The following CACNA2D3 variants were observed in gnomAD, a reference collection of about 807,000 sequenced individuals.
The protein encoded by CACNA2D3 is voltage-dependent calcium channel subunit alpha-2/delta-3.
Under a neutral mutation model 160.6 loss-of-function variants are expected in CACNA2D3, and 60 were observed. That is an observed-to-expected ratio of 0.37 (90% confidence interval 0.30 to 0.46). CACNA2D3 has a LOEUF of 0.46. Among genes scored for constraint, CACNA2D3 ranks in the 20% least tolerant of loss-of-function variants. CACNA2D3 has a pLI of 1.00. For missense variants in CACNA2D3, 1,205 were observed against 1,365.0 expected (o/e 0.88, Z 1.85); for synonymous variants, 558 against 492.9 (o/e 1.13, Z -1.75).
intron 9 of CACNA2D3, among the ~76,000 whole-genome samples, chr3:54,585,305 T>G (rs1046949060): frequency 1.3e-5 from 2 of 152,114 alleles, no homozygotes; most frequent in African/African-American, 2.4e-5. Context: ...AATACTGATA[T>G]GAGTAGACAG....
intron 35 of CACNA2D3, among the ~76,000 whole-genome samples, chr3:55,053,695 AT>A (rs1192123815): frequency 2.6e-5 from 4 of 151,924 alleles, no homozygotes; most frequent in Non-Finnish European, 4.4e-5. Context: ...GTTTGATTAC[AT>A]TTCCTACAAA....
chr3:54,403,093 G>A (rs1185610001), intron 4 of CACNA2D3, among the ~76,000 whole-genome samples: 1 of 152,080 alleles, frequency 6.6e-6, no homozygotes, highest in African/African-American at 2.4e-5. Context: ...AGGCACAGTG[G>A]CTCACACCTA....
At chr3:54,147,668 A>T (rs1356690333) in intron 2 of CACNA2D3, among the ~76,000 whole-genome samples, 1 of 152,206 alleles carries the variant, frequency 6.6e-6, no homozygotes, top group Non-Finnish European at 1.5e-5. Context: ...TTTGGTGAGG[A>T]TTACAGTGTT....
intron 11 of CACNA2D3, among the ~76,000 whole-genome samples, chr3:54,691,296 T>C (rs1395366696): frequency 1.3e-5 from 2 of 152,080 alleles, no homozygotes; most frequent in Non-Finnish European, 2.9e-5. Flanking sequence ...ACTCTTCTGC[T>C]CCCCTCCCCA....
intron 34 of CACNA2D3, among the ~76,000 whole-genome samples, chr3:55,013,346 A>G (rs1187299279): frequency 1.3e-5 from 2 of 152,172 alleles, no homozygotes; most frequent in African/African-American, 2.4e-5. Flanking sequence ...CTGCACTGGA[A>G]TTGTCTCATT....
intron 2 of CACNA2D3, among the ~76,000 whole-genome samples, chr3:54,285,582 G>C (rs1446818996): frequency 1.3e-5 from 2 of 152,334 alleles, no homozygotes; most frequent in East Asian, 3.9e-4. Flanking sequence ...TAAGAGAGTA[G>C]TGGTTCTCCC....
At chr3:54,971,139 T>G (rs1335882445) in intron 29 of CACNA2D3, among the ~76,000 whole-genome samples, 2 of 150,538 alleles carry the variant, frequency 1.3e-5, no homozygotes, top group Non-Finnish European at 3.0e-5. Flanking sequence ...GTCAGCAAAG[T>G]TTTCTGCAGA....
At chr3:54,776,417 A>G (rs1381957101) in intron 13 of CACNA2D3, among the ~76,000 whole-genome samples, 1 of 152,134 alleles carries the variant, frequency 6.6e-6, no homozygotes, top group Non-Finnish European at 1.5e-5. Flanking sequence ...CGGAAGGCTG[A>G]GGTGGGAGGA....
At chr3:54,855,709 A>G (rs185197800) in intron 17 of CACNA2D3, among the ~76,000 whole-genome samples, 44 of 152,324 alleles carry the variant, frequency 2.9e-4, no homozygotes, top group Non-Finnish European at 4.7e-4. Context: ...TCTATCTCCC[A>G]TTGTAGTGGG....
intron 13 of CACNA2D3, among the ~76,000 whole-genome samples, chr3:54,807,826 C>T (rs1703173009): frequency 6.6e-6 from 1 of 151,026 alleles, no homozygotes; most frequent in South Asian, 2.1e-4. Flanking sequence ...CAATGATAGA[C>T]TGGATTAAGA....
chr3:54,130,854 A>G (rs1035939134), intron 2 of CACNA2D3, among the ~76,000 whole-genome samples: 21 of 152,236 alleles, frequency 1.4e-4, no homozygotes, highest in African/African-American at 4.8e-4. Context: ...TTAACAGCTG[A>G]GAGGGCATAG....
At chr3:54,527,407 G>T (rs533131843) in intron 5 of CACNA2D3, among the ~76,000 whole-genome samples, 1 of 152,304 alleles carries the variant, frequency 6.6e-6, no homozygotes, top group Admixed American at 6.5e-5. Context: ...GGAGCTGGGG[G>T]TGGGGACTAT....
chr3:54,831,439 C>T (rs950369719), intron 14 of CACNA2D3, among the ~76,000 whole-genome samples: 6 of 152,230 alleles, frequency 3.9e-5, no homozygotes, highest in African/African-American at 1.4e-4. Context: ...GAAGGCAACC[C>T]AAACAGATGT....
intron 13 of CACNA2D3, among the ~76,000 whole-genome samples, chr3:54,802,713 C>G (rs1243504719): frequency 1.3e-5 from 2 of 152,066 alleles, no homozygotes; most frequent in African/African-American, 4.8e-5. Flanking sequence ...AATGGTTCTC[C>G]CAGCATGCAG....
chr3:54,682,775 G>T (rs1309777029), intron 11 of CACNA2D3, among the ~76,000 whole-genome samples: 1 of 152,028 alleles, frequency 6.6e-6, no homozygotes, highest in Non-Finnish European at 1.5e-5. Flanking sequence ...CTTCCCACAA[G>T]GTCATCAGTG....
chr3:55,073,967 CCT>C (rs1704882650), intron 37 of CACNA2D3, 108 bp downstream of exon 37: 4 of 1,121,208 alleles, frequency 3.6e-6, no homozygotes, highest in Non-Finnish European at 4.0e-6. Flanking sequence ...GAAAATAATC[CCT>C]TTCATTCAGT....
rs1465013 is a variant in CACNA2D3, at chr3:54,813,202, C to T, written c.1381-3651C>T. On this transcript the variant is annotated intron_variant, in intron 13 of 37. Transcript: ENST00000474759. Reference sequence around the variant, plus strand: ...GTTATACAGAGAATCCTACAGTCTGCGGTGTGGGCCAGGAAGGAACCCAAT... The same window carrying T: ...GTTATACAGAGAATCCTACAGTCTGTGGTGTGGGCCAGGAAGGAACCCAAT... Among the ~76,000 whole-genome samples, 24 of 152,284 alleles carry T rather than the reference C, an allele frequency of 1.6e-4. No individual in the cohort carries two copies. The East Asian group carries it at 2.9e-3, about 18-fold the overall frequency.
intron 11 of CACNA2D3, among the ~76,000 whole-genome samples, chr3:54,701,561 C>G (rs1481201791): frequency 1.3e-5 from 2 of 151,922 alleles, no homozygotes; most frequent in Non-Finnish European, 2.9e-5. Flanking sequence ...CTCTACAACA[C>G]GAATTACAAA....
intron 5 of CACNA2D3, among the ~76,000 whole-genome samples, chr3:54,527,019 C>A (rs777104993): frequency 6.6e-6 from 1 of 152,208 alleles, no homozygotes; most frequent in Non-Finnish European, 1.5e-5. Context: ...ACTGACTATT[C>A]TCTCTTTTTT....
Sources: gnomAD v4.1 joint callset for allele counts (sites outside exome capture counted in the v4.1 genomes callset) on GRCh38, gnomAD v4.1.1 for gene constraint, MANE v1.5 for transcripts, NCBI Gene and HGNC (gene_info 2026-07-23, HGNC 2026-07-21) for gene names.